Variants in TSHR observed in about 807,000 individuals in gnomAD.
TSHR encodes thyroid stimulating hormone receptor.
A neutral mutation model predicts 64.1 loss-of-function variants in TSHR; 51 were observed. The ratio of observed to expected loss-of-function variants is 0.80; its 90% CI spans 0.64 to 1.01. The LOEUF (loss-of-function observed/expected upper bound fraction) is 1.01. TSHR is among the 50% of genes least tolerant of loss of function. TSHR has a pLI of 0.00. For synonymous variants in TSHR, 361 were observed against 361.9 expected, an observed-to-expected ratio of 1.00 and a Z score of 0.03; for missense variants, 877 against 942.8, an observed-to-expected ratio of 0.93 and a Z score of 0.91.
At chr14:81,012,549 T>C (rs1467998375) in intron 1 of TSHR, 4 of 151,554 alleles carry the variant, frequency 2.6e-5, no homozygotes. Context: ...TAGTTTACAG[T>C]CCCACCAACA....
rs56340312 is a variant in TSHR at position 81,002,810 on chromosome 14, C to CTT, written c.170+46973_170+46974dup. On this transcript the variant is annotated intron_variant, in intron 1 of 9. Coordinates refer to ENST00000298171, the MANE Select transcript of TSHR (RefSeq NM_000369.5). ...TTTTTTTTTTTTTTTTTTTTTTTATCTTTTTTTTTTTTTTCTTTTTTTATT... is the reference window on the plus strand; with the variant it reads ...TTTTTTTTTTTTTTTTTTTTTTTATCTTTTTTTTTTTTTTTTCTTTTTTTATT... Among the ~76,000 whole-genome samples the CTT allele has an allele frequency of 6.7e-3, 295 of 43,790 alleles. 14 individuals are homozygous for CTT. Among genetic ancestry groups the CTT allele is most frequent in the African/African-American group, 0.02 (220 of 11,268 alleles). 28.7% of individuals were successfully genotyped at this position (43,790 alleles called of 152,430 possible).
intron 8 of TSHR, among the ~76,000 whole-genome samples, chr14:81,123,019 C>T (rs1474572411): frequency 2.0e-5 from 3 of 151,840 alleles, no homozygotes; most frequent in East Asian, 1.9e-4. Flanking sequence ...CCCAGCTACT[C>T]GGGAGGTTGA....
chr14:81,018,136 C>A (rs959646764), intron 1 of TSHR, among the ~76,000 whole-genome samples: 4 of 152,156 alleles, frequency 2.6e-5, no homozygotes, highest in African/African-American at 9.7e-5. Context: ...TATTGAATTG[C>A]TGGCTTTTCT....
At chr14:81,132,930 T>G (rs1297405729) in intron 8 of TSHR, among the ~76,000 whole-genome samples, 2 of 152,152 alleles carry the variant, frequency 1.3e-5, no homozygotes, top group African/African-American at 2.4e-5. Context: ...ATCCTGGATT[T>G]GAAGTAACCA....
chr14:81,057,992 A>T (rs1404679261), intron 1 of TSHR, among the ~76,000 whole-genome samples: 1 of 152,254 alleles, frequency 6.6e-6, no homozygotes, highest in East Asian at 1.9e-4. Flanking sequence ...TGTTGATTGG[A>T]TTTACATGTT....
intron 1 of TSHR, among the ~76,000 whole-genome samples, chr14:81,019,644 G>A (rs1270670751): frequency 1.4e-5 from 2 of 147,188 alleles, no homozygotes; most frequent in African/African-American, 5.0e-5. Context: ...GGTGTGTGAT[G>A]TTCCCCTCCC....
At position 81,103,833 on chromosome 14, in the gene TSHR, A is replaced by C; in HGVS notation, c.615-4542A>C. ...TCTGATTCTCTGTATCACATTTCCT[A>C]TTGTCAAACTCTAGTAACTAGCTAC... On this transcript the variant is annotated intron_variant, in intron 7 of 9. Coordinates refer to ENST00000298171, the MANE Select transcript of TSHR (RefSeq NM_000369.5). The surrounding 1 kb of genome is among the most constrained non-coding windows in gnomAD (Gnocchi z 4.1). 1.0e-6 allele frequency: 1 copy of C among 985,436 alleles called. No homozygotes were observed. Among genetic ancestry groups the C allele is most frequent in the Non-Finnish European group, 1.2e-6 (1 of 829,914 alleles). 61.0% of individuals were successfully genotyped at this position (985,436 alleles called of 1,614,324 possible).
chr14:81,144,467 G>A lies in TSHR; in HGVS notation c.*114G>A. On this transcript the variant is annotated 3_prime_UTR_variant, in exon 10 of 10. Coordinates refer to ENST00000298171, the MANE Select transcript of TSHR (RefSeq NM_000369.5). ...CATAGCTGCCCTCACTCTTGTGCAGGCGATGTTTCAATGTTTCATGGGGCA... is the reference window on the plus strand; with the variant it reads ...CATAGCTGCCCTCACTCTTGTGCAGACGATGTTTCAATGTTTCATGGGGCA... 9.1e-7 allele frequency: 1 copy of A among 1,094,152 alleles called. No homozygotes were observed. The highest frequency in any genetic ancestry group is 1.4e-6 in the Non-Finnish European group (1 of 737,532). The allele number at this position is 1,094,152 out of a possible 1,614,324, so 67.8% of individuals were successfully genotyped here. A position where few individuals can be genotyped will look rare whatever the true frequency, so the allele number is the denominator to read the frequency against.
chr14:81,033,983 T>A (rs1884494603), intron 1 of TSHR, among the ~76,000 whole-genome samples: 1 of 152,200 alleles, frequency 6.6e-6, no homozygotes, highest in Non-Finnish European at 1.5e-5. Context: ...CAATAGTTAG[T>A]TCTCTGTGGC....
chr14:81,012,029 C>T (rs956065765), intron 1 of TSHR: 59 of 151,962 alleles, frequency 3.9e-4, no homozygotes, highest in Non-Finnish European at 1.5e-4. Flanking sequence ...CATGCTGCTG[C>T]GCTGCACCCA....
chr14:81,013,550 C>T (rs1478224534), intron 1 of TSHR: 1 of 152,160 alleles, frequency 6.6e-6, no homozygotes, highest in East Asian at 1.9e-4. Context: ...TACACATGCT[C>T]TGTTCTCTAA....
intron 2 of TSHR, 27 bp downstream of exon 2, chr14:81,062,246 T>C: frequency 6.4e-7 from 1 of 1,558,824 alleles, no homozygotes; most frequent in Non-Finnish European, 8.8e-7. Context: ...TAAAGAAAAG[T>C]TTGCATTTGT....
intron 3 of TSHR, among the ~76,000 whole-genome samples, chr14:81,081,698 G>C (rs1887917858): frequency 6.6e-6 from 1 of 152,140 alleles, no homozygotes; most frequent in Non-Finnish European, 1.5e-5. Context: ...ATTAGTCTCA[G>C]GTTTCACCTA....
At chr14:81,068,527 T>C (rs1697835056) in intron 3 of TSHR, 199 bp downstream of exon 3, 2 of 565,922 alleles carry the variant, frequency 3.5e-6, no homozygotes, top group Non-Finnish European at 6.4e-6. Flanking sequence ...GGTTGGAAGT[T>C]AAAGACAACA....
chr14:81,102,694 TA>T, intron 7 of TSHR: 2 of 680,988 alleles, frequency 2.9e-6, no homozygotes, highest in Non-Finnish European at 3.6e-6. Flanking sequence ...TATGTTCCAA[TA>T]AAACTTTATT....
At chr14:80,996,061 C>A (rs1028088359) in intron 1 of TSHR, among the ~76,000 whole-genome samples, 1 of 151,730 alleles carries the variant, frequency 6.6e-6, no homozygotes, top group Non-Finnish European at 1.5e-5. Flanking sequence ...TTTTGTTGAC[C>A]CTGCATGATT....
chr14:81,039,394 G>A (rs1019482148), intron 1 of TSHR, among the ~76,000 whole-genome samples: 9 of 151,790 alleles, frequency 5.9e-5, no homozygotes, highest in Non-Finnish European at 7.4e-5. Flanking sequence ...TACTGAACAC[G>A]GAAAAGTTCA....
intron 1 of TSHR, among the ~76,000 whole-genome samples, chr14:81,048,302 C>T (rs1012648111): frequency 5.3e-5 from 8 of 151,964 alleles, no homozygotes; most frequent in Non-Finnish European, 1.2e-4. Flanking sequence ...CCAATAAGGT[C>T]GTTTTGTTAT....
intron 1 of TSHR, among the ~76,000 whole-genome samples, chr14:81,035,717 G>A (rs1349343764): frequency 3.3e-5 from 5 of 152,028 alleles, no homozygotes; most frequent in African/African-American, 1.2e-4. Context: ...CTTGTGTTTT[G>A]TTTTGCTTCT....
Sources: gnomAD v4.1 joint callset for allele counts (sites outside exome capture counted in the v4.1 genomes callset) on GRCh38, gnomAD v4.1.1 for gene constraint, Gnocchi (gnomAD v3.1) non-coding constraint, MANE v1.5 for transcripts, NCBI Gene and HGNC (gene_info 2026-07-23, HGNC 2026-07-21) for gene names.